The following PJA2 variants were observed in gnomAD, a reference collection of about 807,000 sequenced individuals.
PJA2 encodes praja ring finger ubiquitin ligase 2.
A neutral mutation model predicts 69.3 loss-of-function variants in PJA2; 25 were observed. The ratio of observed to expected loss-of-function variants is 0.36; its 90% confidence interval spans 0.26 to 0.50. The LOEUF is 0.50. PJA2 is among the 20% of genes least tolerant of loss of function. The pLI, the probability that PJA2 is intolerant of heterozygous loss-of-function variation, is 0.96. For missense variants in PJA2, 809 were observed against 830.2 expected, an observed-to-expected ratio of 0.97 and a Z score of 0.31; for synonymous variants, 308 against 277.8, an observed-to-expected ratio of 1.11 and a Z score of -1.08.
At chr5:109,399,754 C>T (rs921520325) in intron 1 of PJA2, among the ~76,000 whole-genome samples, 2 of 152,104 alleles carry the variant, frequency 1.3e-5, no homozygotes, top group African/African-American at 4.8e-5. Context: ...CCCTCTTTAT[C>T]AAGAGACAAC....
At chr5:109,362,014 G>A (rs561022350) in intron 6 of PJA2, among the ~76,000 whole-genome samples, 3 of 152,186 alleles carry the variant, frequency 2.0e-5, no homozygotes, top group Non-Finnish European at 4.4e-5. Flanking sequence ...ATATAAATGA[G>A]TTTTTTCTTA....
Position 109,396,544 on chromosome 5 carries a change from A to G in PJA2, c.-87-13024T>C, listed in dbSNP as rs928152883. ...CAGGTTCAAGCAATTCTCCTGCCTC[A>G]GCCTCCTGAATAGCTGGGATTACAG... On this transcript the variant is annotated intron_variant, in intron 1 of 9. Transcript: ENST00000361189. Among the ~76,000 whole-genome samples the G allele has an allele frequency of 1.5e-4, 22 of 148,966 alleles. 1 individual carries two copies. The highest frequency in any genetic ancestry group is 6.4e-4 in the South Asian group (3 of 4,724).
chr5:109,358,530 G>C (rs1455818134), intron 6 of PJA2, among the ~76,000 whole-genome samples: 1 of 152,154 alleles, frequency 6.6e-6, no homozygotes, highest in African/African-American at 2.4e-5. Context: ...GCGCCACTGG[G>C]TTAGGGTCTC....
chr5:109,368,553 G>A lies in PJA2; in HGVS notation c.1469+8C>T, dbSNP rs780187575. ...ATACAGAAAAATAAATCTCACTGTT[G>A]AACATACCCTTCCTGAAGAGATAAT... On this transcript the variant is annotated splice_region_variant and intron_variant, in intron 5 of 9. Transcript: ENST00000361189. The A allele has an allele frequency of 7.5e-6, 12 of 1,608,378 alleles. No individual in the cohort carries two copies. The South Asian group carries it at 1.3e-4, about 18-fold the overall frequency.
intron 5 of PJA2, among the ~76,000 whole-genome samples, chr5:109,365,582 C>CT (rs11301451): frequency 3.9e-4 from 59 of 151,330 alleles, no homozygotes; most frequent in East Asian, 1.6e-3. Context: ...TGTATGAATC[C>CT]TTTTTTTTTT....
intron 1 of PJA2, among the ~76,000 whole-genome samples, chr5:109,398,997 A>C (rs1446221768): frequency 6.6e-6 from 1 of 152,062 alleles, no homozygotes; most frequent in Non-Finnish European, 1.5e-5. Context: ...GGATCACCTG[A>C]GGTCAGGAGT....
chr5:109,363,759 A>T (rs146867652), intron 5 of PJA2, among the ~76,000 whole-genome samples: 95 of 152,304 alleles, frequency 6.2e-4, no homozygotes, highest in African/African-American at 1.9e-3. Context: ...TACTCCTACT[A>T]GAAACTAACT....
chr5:109,336,878 G>T lies in PJA2; in HGVS notation c.*353C>A, dbSNP rs982586483. ...CAGTCTTTACATTTGATGCAAACAG[G>T]ACAGCTTAATTATAATCACTTAGTG... On this transcript the variant is annotated 3_prime_UTR_variant, in exon 10 of 10. Transcript: ENST00000361189. The T allele has an allele frequency of 3.2e-5, 5 of 156,556 alleles. No homozygotes were observed. In the South Asian group the frequency reaches 9.6e-4, roughly 30 times the overall value. The allele number at this position is 156,556 out of a possible 1,614,324, so 9.7% of individuals were successfully genotyped here.
At chr5:109,371,235 C>T (rs1762670234) in intron 4 of PJA2, among the ~76,000 whole-genome samples, 1 of 152,120 alleles carries the variant, frequency 6.6e-6, no homozygotes, top group African/African-American at 2.4e-5. Flanking sequence ...CTTTTAAATG[C>T]ATATCCCCAG....
chr5:109,402,418 G>C (rs1285961822), intron 1 of PJA2, among the ~76,000 whole-genome samples: 1 of 152,122 alleles, frequency 6.6e-6, no homozygotes, highest in East Asian at 1.9e-4. Flanking sequence ...ACTTTGGAAT[G>C]AGGAATACTA....
intron 6 of PJA2, among the ~76,000 whole-genome samples, chr5:109,360,731 G>C (rs1762491710): frequency 6.6e-6 from 1 of 151,970 alleles, no homozygotes; most frequent in African/African-American, 2.4e-5. Flanking sequence ...GGACATTTCG[G>C]GACCACTAGT....
At chr5:109,339,286 G>C (rs1297063738) in intron 9 of PJA2, among the ~76,000 whole-genome samples, 1 of 152,214 alleles carries the variant, frequency 6.6e-6, no homozygotes, top group Non-Finnish European at 1.5e-5. Context: ...AGATTTGGAA[G>C]AGTGAGGGGA....
intron 1 of PJA2, among the ~76,000 whole-genome samples, chr5:109,390,251 T>G (rs754692861): frequency 5.3e-5 from 8 of 152,012 alleles, no homozygotes; most frequent in Non-Finnish European, 8.8e-5. Flanking sequence ...GCTTCTGTCT[T>G]ACATATTTGG....
chr5:109,384,421 T>C (rs1747115913), intron 1 of PJA2, among the ~76,000 whole-genome samples: 1 of 152,334 alleles, frequency 6.6e-6, no homozygotes, highest in Admixed American at 6.5e-5. Context: ...CAAAAAGAAC[T>C]TCTGTTTTGA....
chr5:109,380,478 A>T (rs2127007386), intron 3 of PJA2, among the ~76,000 whole-genome samples: 1 of 152,284 alleles, frequency 6.6e-6, no homozygotes, highest in Non-Finnish European at 1.5e-5. Flanking sequence ...TGATGAAAAA[A>T]TAAACAAGCC....
chr5:109,384,961 C>T (rs975857381), intron 1 of PJA2, among the ~76,000 whole-genome samples: 6 of 151,986 alleles, frequency 3.9e-5, no homozygotes, highest in East Asian at 1.9e-4. Flanking sequence ...GGACTGTAGG[C>T]GTGTGCCACC....
Position 109,336,256 on chromosome 5 carries a change from A to G in PJA2, c.*975T>C, listed in dbSNP as rs1761937236. 1 of 152,226 alleles carries G rather than the reference A, an allele frequency of 6.6e-6. No individual in the cohort carries two copies. The highest frequency in any genetic ancestry group is 1.5e-5 in the Non-Finnish European group (1 of 68,036). 9.4% of individuals were successfully genotyped at this position (152,226 alleles called of 1,614,324 possible). The stretch of plus-strand genomic sequence containing the variant: ...TGAACTATTATGTCCATGTTTGCAC[A>G]TACTCGTCCACTGTGTGTGATCACC... On this transcript the variant is annotated 3_prime_UTR_variant, in exon 10 of 10. Transcript: ENST00000361189.
rs144310652 is a variant in PJA2 at position 109,337,299 on chromosome 5, C to T, written c.2059G>A (p.Ala687Thr). Residue 687 changes from alanine to threonine, a missense_variant, in exon 10 of 10, where the codon GCA becomes ACA. This residue lies in a region of PJA2 where 35 missense variants were observed against 37.0 expected (regional missense o/e 0.94). Coordinates refer to ENST00000361189, the MANE Select transcript of PJA2 (RefSeq NM_014819.5). ...HFPPAVIEAS[A>T]APSSEPDPDA... The stretch of plus-strand genomic sequence containing the variant: ...GGATCAGGCTCAGAGGAAGGAGCTG[C>T]AGATGCTTCAATAACCGCAGGTGGG... 1.7e-5 allele frequency: 27 copies of T among 1,613,340 alleles called. No individual in the cohort carries two copies. The highest frequency in any genetic ancestry group is 2.2e-5 in the Non-Finnish European group (26 of 1,179,770).
At chr5:109,358,976 C>G (rs1444480717) in intron 6 of PJA2, among the ~76,000 whole-genome samples, 1 of 152,134 alleles carries the variant, frequency 6.6e-6, no homozygotes, top group Non-Finnish European at 1.5e-5. Context: ...CTATAGCTGA[C>G]CCTTGAACAG....
Sources: allele counts gnomAD v4.1 joint callset (sites outside exome capture counted in the v4.1 genomes callset), GRCh38; gene constraint gnomAD v4.1.1; regional missense constraint gnomAD v4.1.1; transcripts MANE v1.5; gene names NCBI Gene and HGNC (gene_info 2026-07-23, HGNC 2026-07-21).